Variants in CCDC154 observed in about 807,000 individuals in gnomAD.
CCDC154 encodes coiled-coil domain-containing protein 154.
In CCDC154, 91 loss-of-function variants were observed where a neutral mutation model predicts 87.5. The ratio of observed to expected loss-of-function variants is 1.04; its 90% CI spans 0.88 to 1.24. The LOEUF (loss-of-function observed/expected upper bound fraction) is 1.24. Ranked by LOEUF, CCDC154 falls within the 50% of genes most tolerant of loss-of-function variation. CCDC154 has a pLI of 0.00. For missense variants in CCDC154, 903 were observed against 879.2 expected (o/e 1.03, Z -0.34); for synonymous variants, 418 against 400.4 (o/e 1.04, Z -0.52).
At chr16:1,440,011 T>C (rs1196300778) in intron 6 of CCDC154, among the ~76,000 whole-genome samples, 1 of 151,812 alleles carries the variant, frequency 6.6e-6, no homozygotes, top group Non-Finnish European at 1.5e-5. Flanking sequence ...TAGCCAGACA[T>C]GGACAGCTGT....
chr16:1,434,419 T>A lies in CCDC154; in HGVS notation c.1993A>T (p.Ile665Phe), dbSNP rs557582088. 1.3e-6 allele frequency: 2 copies of A among 1,550,326 alleles called. No individual in the cohort carries two copies. The highest frequency in any genetic ancestry group is 1.7e-6 in the Non-Finnish European group (2 of 1,146,870). The change falls in exon 17 of 17, where the codon ATC (isoleucine) becomes TTC (phenylalanine). Residue 665 changes from isoleucine to phenylalanine, a missense_variant. Physicochemically the swap from Ile to Phe is conservative, Grantham distance 21. Coordinates refer to ENST00000389176, the MANE Select transcript of CCDC154 (RefSeq NM_001143980.3). ...QVQQLTPSLF[I>F]QK The stretch of plus-strand genomic sequence containing the variant: ...CAAAGCCAGCACGTTTATTTCTGGA[T>A]AAACAGTGAGGGTGTGAGCTGCTGC...
At chr16:1,440,735 G>A (rs1280106354) in intron 6 of CCDC154, among the ~76,000 whole-genome samples, 3 of 151,994 alleles carry the variant, frequency 2.0e-5, no homozygotes, top group African/African-American at 7.3e-5. Context: ...CAGATCACGA[G>A]GTCAGGAGAT....
rs1449843903 is a variant in CCDC154 at position 1,438,464 on chromosome 16, A to G, written c.1025+155T>C. 9 of 769,220 alleles carry G rather than the reference A, an allele frequency of 1.2e-5. No individual in the cohort carries two copies. In the Admixed American group the frequency reaches 2.4e-4, roughly 20 times the overall value. 47.6% of individuals were successfully genotyped at this position (769,220 alleles called of 1,614,324 possible). On this transcript the variant is annotated intron_variant, in intron 9 of 16. Transcript: ENST00000389176. ...GACAGGAGGCCCCACAGGAGGGAGGAGGGTTCGCACCATCCAGCTGCAGCC... is the reference window on the plus strand; with the variant it reads ...GACAGGAGGCCCCACAGGAGGGAGGGGGGTTCGCACCATCCAGCTGCAGCC...
intron 9 of CCDC154, 189 bp from the exon 10 acceptor site, chr16:1,438,365 C>G: frequency 1.2e-6 from 1 of 801,092 alleles, no homozygotes; most frequent in Non-Finnish European, 1.9e-6. Flanking sequence ...CGTTCACTCC[C>G]CACGGCCACC....
chr16:1,436,314 G>C, intron 13 of CCDC154, 131 bp downstream of exon 13: 2 of 927,402 alleles, frequency 2.2e-6, no homozygotes, highest in Non-Finnish European at 3.3e-6. Flanking sequence ...CCGGTGCTGG[G>C]CCAGGCCCGG....
At chr16:1,439,273 C>T (rs764670335) in intron 6 of CCDC154, 147 bp from the exon 7 acceptor site, 50 of 690,722 alleles carry the variant, frequency 7.2e-5, no homozygotes, top group Middle Eastern at 4.0e-4. Flanking sequence ...CACCCTCAGC[C>T]GGAAGAAAGC....
At position 1,443,928 on chromosome 16, in the gene CCDC154, G is replaced by C. The variant is rs1236099873; in HGVS notation, c.92C>G (p.Ala31Gly). ...GGGCTCGGGGCTGGCCAGGCCTCCT[G>C]CCAGGAGGAGCCCCAGGTCTTCCAG... ...VTLEDLGLLL[A>G]GGLASPEPLS... The change falls in exon 2 of 17, where the codon GCA becomes GGA. Residue 31 changes from alanine (A) to glycine (G), a missense_variant. By Grantham distance (60) the Ala-to-Gly change is moderately conservative (BLOSUM62 0). Transcript: ENST00000389176. 23 of 1,303,834 alleles carry C rather than the reference G, an allele frequency of 1.8e-5. No individual in the cohort carries two copies. The highest frequency in any genetic ancestry group is 2.3e-5 in the Admixed American group (1 of 43,556). 80.8% of individuals were successfully genotyped at this position (1,303,834 alleles called of 1,614,324 possible). A position where few individuals can be genotyped will look rare whatever the true frequency, so the allele number is the denominator to read the frequency against.
In CCDC154 at chr16:1,435,068, G is replaced by A. The variant is rs373994985; in HGVS notation, c.1692+21C>T. On this transcript the variant is annotated intron_variant, in intron 15 of 16. Transcript: ENST00000389176. ...GAGCGGGTGGGAGCTGGGCGGTGCC[G>A]GCCGGGCAAGGCCTCCTCACCAGCC... 123 of 1,546,146 alleles carry A rather than the reference G, an allele frequency of 8.0e-5. No homozygotes were observed. In the African/African-American group the frequency reaches 9.9e-4, roughly 12 times the overall value.
rs1158119919 is a variant in CCDC154, at chr16:1,438,855, A to C, written c.866T>G (p.Leu289Arg). ...LESRWEKLRGLMEERLRALQG... is the reference protein window; with the variant it reads ...LESRWEKLRGRMEERLRALQG... Reference sequence around the variant, plus strand: ...CAGGGCCCGCAGGCGCTCCTCCATCAGCCCCCGAAGCTTCTCCCACCGGCT... The same window carrying C: ...CAGGGCCCGCAGGCGCTCCTCCATCCGCCCCCGAAGCTTCTCCCACCGGCT... The change falls in exon 8 of 17, where the codon CTG (leucine) becomes CGG (arginine). Residue 289 changes from leucine (L) to arginine (R), a missense_variant. Physicochemically the swap from Leu to Arg is moderately radical, Grantham distance 102. Coordinates refer to ENST00000389176, the MANE Select transcript of CCDC154 (RefSeq NM_001143980.3). 6.5e-7 allele frequency: 1 copy of C among 1,548,148 alleles called. No homozygotes were observed. Among genetic ancestry groups the C allele is most frequent in the Non-Finnish European group, 8.7e-7 (1 of 1,146,398 alleles).
chr16:1,437,179 C>T (rs1013390055), intron 11 of CCDC154: 5 of 288,580 alleles, frequency 1.7e-5, no homozygotes, highest in Middle Eastern at 2.3e-3. Flanking sequence ...ACGCAATGCA[C>T]GTTACGCCGC....
chr16:1,434,416 G>A lies in CCDC154; in HGVS notation c.1996C>T (p.Gln666Ter). Residue 666 changes from glutamine (Q) to a stop codon, truncating the protein, a stop_gained, in exon 17 of 17, where the codon CAG becomes TAG. Transcript: ENST00000389176. LOFTEE classifies it high-confidence loss of function. The part of the protein sequence containing the change: ...VQQLTPSLFI[Q>*]K ...GTACAAAGCCAGCACGTTTATTTCT[G>A]GATAAACAGTGAGGGTGTGAGCTGC... The A allele has an allele frequency of 6.5e-7, 1 of 1,550,330 alleles. No individual in the cohort carries two copies. Among genetic ancestry groups the A allele is most frequent in the South Asian group, 1.2e-5 (1 of 84,050 alleles).
Position 1,434,796 on chromosome 16 carries a change from C to T in CCDC154, c.1749G>A (p.Glu583=). Residue 583 remains glutamate, a synonymous_variant, in exon 16 of 17, where the codon GAG becomes GAA. Coordinates refer to ENST00000389176, the MANE Select transcript of CCDC154 (RefSeq NM_001143980.3). ...AGCTGCCCAGCGGCGTCCGCGGGCC[C>T]TCCTCACTCCACAGCCGGAGCACAC... ...WESVLRLWSE[E]GPRTPLGSWK... is the part of the protein sequence containing the mutation. The T allele has an allele frequency of 1.3e-6, 2 of 1,539,852 alleles. No homozygotes were observed. The highest frequency in any genetic ancestry group is 2.0e-5 in the Admixed American group (1 of 50,758).
Position 1,435,994 on chromosome 16 carries a change from G to A in CCDC154, c.1580C>T (p.Ala527Val), listed in dbSNP as rs1037924050. The A allele has an allele frequency of 3.2e-6, 5 of 1,549,800 alleles. No individual in the cohort carries two copies. Among genetic ancestry groups the A allele is most frequent in the Admixed American group, 2.0e-5 (1 of 50,948 alleles). The change falls in exon 14 of 17, where the codon GCG becomes GTG. Residue 527 changes from alanine to valine, a missense_variant. By Grantham distance (64) the Ala-to-Val change is moderately conservative. Coordinates refer to ENST00000389176, the MANE Select transcript of CCDC154 (RefSeq NM_001143980.3). ...LKEDNPGRKI[A>V]EMQGKLATFQ... ...CGTGGCCAGCTTGCCCTGCATCTCC[G>A]CGATCTTCCGCCCAGGGTTGTCTTC...
chr16:1,434,939 T>C, intron 15 of CCDC154, 87 bp from the exon 16 acceptor site: 1 of 1,428,174 alleles, frequency 7.0e-7, no homozygotes, highest in Non-Finnish European at 9.3e-7. Context: ...ACCGGGAGCC[T>C]GGAAGCCATT....
At position 1,435,145 on chromosome 16, in the gene CCDC154, A is replaced by G; in HGVS notation, c.1636T>C (p.Cys546Arg). 6.4e-7 allele frequency: 1 copy of G among 1,550,498 alleles called. No homozygotes were observed. The highest frequency in any genetic ancestry group is 2.0e-5 in the Admixed American group (1 of 51,008). The change falls in exon 15 of 17, where the codon TGC becomes CGC. Residue 546 changes from cysteine (C) to arginine (R), a missense_variant. By Grantham distance (180) the Cys-to-Arg change is radical. Coordinates refer to ENST00000389176, the MANE Select transcript of CCDC154 (RefSeq NM_001143980.3). The stretch of plus-strand genomic sequence containing the variant: ...TGGATGGTCTTGTTGGCCTGGACGC[A>G]GTTTTCCAGCTTCATTATTTGGTTC... ...FQNQIMKLEN[C>R]VQANKTIQNL...
At position 1,436,852 on chromosome 16, in the gene CCDC154, G is replaced by T. The variant is rs529923145; in HGVS notation, c.1291-41C>A. On this transcript the variant is annotated intron_variant, in intron 11 of 16. Coordinates refer to ENST00000389176, the MANE Select transcript of CCDC154 (RefSeq NM_001143980.3). Reference sequence around the variant, plus strand: ...CCAGTGAGGGACAAAGCCAAGAGAGGGGGGACAGACAGATGGAAAGACGGA... The same window carrying T: ...CCAGTGAGGGACAAAGCCAAGAGAGTGGGGACAGACAGATGGAAAGACGGA... 6 of 1,548,608 alleles carry T rather than the reference G, an allele frequency of 3.9e-6. No homozygotes were observed. In the East Asian group the frequency reaches 9.8e-5, roughly 25 times the overall value.
chr16:1,435,220 G>T, intron 14 of CCDC154, 45 bp from the exon 15 acceptor site: 1 of 1,506,888 alleles, frequency 6.6e-7, no homozygotes, highest in Non-Finnish European at 9.0e-7. Context: ...CAGTCTGCTG[G>T]CATCCTGCTG....
chr16:1,442,777 T>A, intron 5 of CCDC154, 103 bp downstream of exon 5: 1 of 1,232,244 alleles, frequency 8.1e-7, no homozygotes, highest in Non-Finnish European at 1.1e-6. Flanking sequence ...CCCGCCGGGT[T>A]ACTGGGGACA....
intron 1 of CCDC154, 92 bp downstream of exon 1, chr16:1,444,224 C>G: frequency 8.1e-7 from 1 of 1,241,230 alleles, no homozygotes; most frequent in Non-Finnish European, 1.1e-6. Context: ...AACAAGCGAG[C>G]TGGAGGGAGC....
Sources: allele counts gnomAD v4.1 joint callset (sites outside exome capture counted in the v4.1 genomes callset), GRCh38; gene constraint gnomAD v4.1.1; transcripts MANE v1.5; gene names NCBI Gene and HGNC (gene_info 2026-07-23, HGNC 2026-07-21).